Variants in CADPS observed in about 807,000 individuals in gnomAD.
CADPS encodes the protein calcium-dependent secretion activator 1.
A neutral mutation model predicts 167.3 loss-of-function variants in CADPS; 57 were observed. The observed-to-expected ratio is 0.34, with a 90% CI of 0.28 to 0.42. The LOEUF (loss-of-function observed/expected upper bound fraction) is 0.42. CADPS is among the 20% of genes least tolerant of loss of function. CADPS has a pLI of 1.00. For missense variants in CADPS, 1,414 were observed against 1,738.1 expected (o/e 0.81, Z 3.32); for synonymous variants, 676 against 635.3 (o/e 1.06, Z -0.96).
At chr3:62,854,476 G>A (rs1186996412) in intron 1 of CADPS, among the ~76,000 whole-genome samples, 1 of 152,170 alleles carries the variant, frequency 6.6e-6, no homozygotes, top group East Asian at 1.9e-4. Flanking sequence ...ACAATGTTGG[G>A]AAATGACTAT....
At chr3:62,475,765 G>A (rs777977450) in intron 23 of CADPS, among the ~76,000 whole-genome samples, 23 of 152,066 alleles carry the variant, frequency 1.5e-4, no homozygotes, top group Non-Finnish European at 2.9e-4. Flanking sequence ...ATCATTTGCC[G>A]GTTTTGTGAA....
chr3:62,585,728 C>G (rs1385399750), intron 7 of CADPS, among the ~76,000 whole-genome samples: 1 of 152,146 alleles, frequency 6.6e-6, no homozygotes, highest in Non-Finnish European at 1.5e-5. Context: ...TTTAGGATTT[C>G]TTTCACTTTT....
Position 62,868,907 on chromosome 3 carries a change from G to C in CADPS, c.441+5682C>G, listed in dbSNP as rs72884020. ...CTTGTCCATCCCCATCTCCACATGA[G>C]AGATTTAGAAATTATCCCAGAGTCT... is the stretch of plus-strand genomic sequence containing the variant. On this transcript the variant is annotated intron_variant, in intron 1 of 29. Coordinates refer to ENST00000383710, the MANE Select transcript of CADPS (RefSeq NM_003716.4). Among the ~76,000 whole-genome samples the C allele has an allele frequency of 5.1e-3, 776 of 152,230 alleles. 7 individuals are homozygous for C. Among genetic ancestry groups the C allele is most frequent in the African/African-American group, 0.018 (729 of 41,562 alleles).
At chr3:62,584,213 G>A (rs934557053) in intron 8 of CADPS, among the ~76,000 whole-genome samples, 2 of 151,928 alleles carry the variant, frequency 1.3e-5, no homozygotes, top group Non-Finnish European at 2.9e-5. Flanking sequence ...CATCATGTTG[G>A]TCAGGCTGGT....
intron 8 of CADPS, among the ~76,000 whole-genome samples, chr3:62,583,155 G>GTCTCTCTCTCTCTCTCTCTCTCTC (rs61474581): frequency 6.8e-6 from 1 of 147,178 alleles, no homozygotes; most frequent in Non-Finnish European, 1.5e-5. Context: ...TACCCTCTTT[G>GTCTCTCTCTCTCTCTCTCTCTCTC]TCTCTCTCTC....
At chr3:62,708,073 T>A (rs9869903) in intron 3 of CADPS, among the ~76,000 whole-genome samples, 118,039 of 151,754 alleles carry the variant, frequency 0.78, 46,336 homozygotes, top group East Asian at 0.98. Flanking sequence ...CCATAGGCAC[T>A]AACACCATGG....
chr3:62,818,235 T>C (rs948086301), intron 1 of CADPS, among the ~76,000 whole-genome samples: 2 of 152,172 alleles, frequency 1.3e-5, no homozygotes, highest in Non-Finnish European at 2.9e-5. Flanking sequence ...AATCCATTAG[T>C]CCTTAAACTT....
intron 6 of CADPS, among the ~76,000 whole-genome samples, chr3:62,600,624 C>T (rs1410109060): frequency 6.6e-6 from 1 of 152,168 alleles, no homozygotes; most frequent in Admixed American, 6.5e-5. Flanking sequence ...ATTTAGGAAA[C>T]ACTTCCTGAA....
At chr3:62,580,643 G>A (rs1578179694) in intron 8 of CADPS, among the ~76,000 whole-genome samples, 1 of 150,716 alleles carries the variant, frequency 6.6e-6, no homozygotes, top group East Asian at 2.0e-4. Flanking sequence ...CTGTATATGA[G>A]AGAAATCCAA....
intron 24 of CADPS, among the ~76,000 whole-genome samples, chr3:62,468,271 A>G (rs552853468): frequency 6.6e-6 from 1 of 152,284 alleles, no homozygotes; most frequent in African/African-American, 2.4e-5. Flanking sequence ...TCCTCCTCAT[A>G]TGACTGCCTC....
intron 1 of CADPS, among the ~76,000 whole-genome samples, chr3:62,771,409 G>A (rs1402083699): frequency 6.6e-6 from 1 of 152,178 alleles, no homozygotes; most frequent in Non-Finnish European, 1.5e-5. Context: ...TTACTTAGAA[G>A]CTTGCAAAAG....
chr3:62,857,892 A>G (rs1251089273), intron 1 of CADPS, among the ~76,000 whole-genome samples: 1 of 152,164 alleles, frequency 6.6e-6, no homozygotes, highest in Non-Finnish European at 1.5e-5. Flanking sequence ...ATGCTAAAAC[A>G]TGATTTACAT....
intron 1 of CADPS, among the ~76,000 whole-genome samples, chr3:62,862,221 T>G (rs949288565): frequency 1.5e-4 from 23 of 150,464 alleles, no homozygotes; most frequent in African/African-American, 5.6e-4. Flanking sequence ...ACAGTGGTTT[T>G]TTTTTTTTTT....
chr3:62,794,782 A>G (rs1318194163), intron 1 of CADPS, among the ~76,000 whole-genome samples: 1 of 78,324 alleles, frequency 1.3e-5, no homozygotes, highest in Non-Finnish European at 3.8e-5. Flanking sequence ...AGGTGGTAAA[A>G]AAAAAAAAAA....
chr3:62,430,312 C>T (rs1394588663), intron 28 of CADPS, among the ~76,000 whole-genome samples: 1 of 152,114 alleles, frequency 6.6e-6, no homozygotes, highest in East Asian at 1.9e-4. Context: ...AATTGTGAAG[C>T]CCATGGGGGA....
In CADPS at chr3:62,734,792, C is replaced by T. The variant is rs192352105; in HGVS notation, c.888+18649G>A. ...GTGCATATCTTTTGGTGGTCAAATA[C>T]GCTCATTTCTCTTGGGTATTTACCA... On this transcript the variant is annotated intron_variant, in intron 3 of 29. Coordinates refer to ENST00000383710, the MANE Select transcript of CADPS (RefSeq NM_003716.4). Among the ~76,000 whole-genome samples the T allele has an allele frequency of 4.6e-3, 701 of 152,186 alleles. 5 individuals are homozygous for T. The highest frequency in any genetic ancestry group is 0.015 in the African/African-American group (639 of 41,544).
At chr3:62,445,569 G>A (rs532014117) in intron 27 of CADPS, among the ~76,000 whole-genome samples, 196 bp downstream of exon 27, 5 of 151,696 alleles carry the variant, frequency 3.3e-5, no homozygotes, top group Non-Finnish European at 7.4e-5. Context: ...AAACCATACC[G>A]TCTTCTTATC....
intron 3 of CADPS, among the ~76,000 whole-genome samples, chr3:62,692,173 AT>A (rs1267030698): frequency 2.6e-5 from 4 of 151,914 alleles, no homozygotes; most frequent in African/African-American, 9.7e-5. Flanking sequence ...GTTTAAAAAA[AT>A]ATATCTATAT....
In CADPS at chr3:62,499,261, T is replaced by G; in HGVS notation, c.2607A>C (p.Val869=). The part of the protein sequence containing the change: ...IEENQKDAEN[V]GRLITPAKKL... ...TTTTGGCAGGAGTGATTAACCGGCCTACATTTTCTGTAGTACAAGAGTTTG... is the reference window on the plus strand; with the variant it reads ...TTTTGGCAGGAGTGATTAACCGGCCGACATTTTCTGTAGTACAAGAGTTTG... Residue 869 remains valine, a synonymous_variant, in exon 18 of 30, where the codon GTA becomes GTC. Transcript: ENST00000383710. 6.2e-7 allele frequency: 1 copy of G among 1,608,988 alleles called. No homozygotes were observed. Among genetic ancestry groups the G allele is most frequent in the Non-Finnish European group, 8.5e-7 (1 of 1,175,374 alleles).
Sources: gnomAD v4.1 joint callset for allele counts (sites outside exome capture counted in the v4.1 genomes callset) on GRCh38, gnomAD v4.1.1 for gene constraint, MANE v1.5 for transcripts, NCBI Gene and HGNC (gene_info 2026-07-23, HGNC 2026-07-21) for gene names.